BIRC6: variants seen among roughly 807,000 people sequenced by gnomAD.
The protein encoded by BIRC6 is baculoviral IAP repeat containing 6.
Under a neutral mutation model 503.3 loss-of-function variants are expected in BIRC6, and 98 were observed. The ratio of observed to expected loss-of-function variants is 0.19; its 90% CI spans 0.17 to 0.23. The LOEUF (loss-of-function observed/expected upper bound fraction) is 0.23. BIRC6 is among the 10% of genes least tolerant of loss of function. The pLI is 1.00. For synonymous variants in BIRC6, 2,240 were observed against 2,078.7 expected, an observed-to-expected ratio of 1.08 and a Z score of -2.11; for missense variants, 5,360 against 5,806.0, an observed-to-expected ratio of 0.92 and a Z score of 2.50.
At chr2:32,575,858 A>G (rs1458281115) in intron 66 of BIRC6, among the ~76,000 whole-genome samples, 3 of 152,224 alleles carry the variant, frequency 2.0e-5, no homozygotes, top group East Asian at 3.8e-4. Context: ...ATACACTTAG[A>G]AACATTTATT....
Position 32,617,967 on chromosome 2 carries a change from T to C in BIRC6, c.*63T>C, listed in dbSNP as rs975264225. The C allele has an allele frequency of 4.1e-6, 6 of 1,478,448 alleles. No homozygotes were observed. The highest frequency in any genetic ancestry group is 3.5e-4 in the Middle Eastern group (2 of 5,682). 91.6% of individuals were successfully genotyped at this position (1,478,448 alleles called of 1,614,324 possible). ...GAAGCACAAGCCAAATATGTCAATA[T>C]TTGTATGTAAGAAACTAATTATGTA... On this transcript the variant is annotated 3_prime_UTR_variant, in exon 74 of 74. Transcript: ENST00000421745.
At chr2:32,444,959 T>G (rs1312930981) in intron 20 of BIRC6, among the ~76,000 whole-genome samples, 1 of 152,192 alleles carries the variant, frequency 6.6e-6, no homozygotes, top group Non-Finnish European at 1.5e-5. Context: ...ACGCTTAAGT[T>G]TTGGCATGTA....
intron 3 of BIRC6, among the ~76,000 whole-genome samples, chr2:32,386,442 C>CT (rs752857568): frequency 0.067 from 9,852 of 147,786 alleles, 517 homozygotes; most frequent in Non-Finnish European, 0.1. Context: ...AAGTCTCTCT[C>CT]TCTTTTTTTT....
chr2:32,387,959 A>G (rs1418589329), intron 3 of BIRC6, among the ~76,000 whole-genome samples: 1 of 152,234 alleles, frequency 6.6e-6, no homozygotes. Context: ...TATGAGGTAT[A>G]ATGTGATGTT....
At chr2:32,531,683 A>G (rs978252972) in intron 61 of BIRC6, 132 bp downstream of exon 61, 24 of 806,660 alleles carry the variant, frequency 3.0e-5, no homozygotes, top group East Asian at 5.4e-5. Flanking sequence ...TGAACATTAT[A>G]TAACTCTTTC....
chr2:32,435,532 C>G lies in BIRC6; in HGVS notation c.3446C>G (p.Ser1149Cys), dbSNP rs138022319. Residue 1149 changes from serine to cysteine, a missense_variant, in exon 14 of 74, where the codon TCC (serine) becomes TGC (cysteine). By Grantham distance (112) the Ser-to-Cys change is moderately radical. This residue lies in a region of BIRC6 where 2,299 missense variants were observed against 2,267.2 expected (regional missense o/e 1.01). Transcript: ENST00000421745. ...NIEVEQNGKPSLVDLNEEMQH... is the reference protein window; with the variant it reads ...NIEVEQNGKPCLVDLNEEMQH... The stretch of plus-strand genomic sequence containing the variant: ...GAAGTGGAACAAAATGGGAAACCGT[C>G]CCTGGTTGATTTGAATGAAGAAATG... 5.8e-6 allele frequency: 9 copies of G among 1,554,704 alleles called. No homozygotes were observed. The South Asian group carries it at 1.1e-4, about 18-fold the overall frequency.
rs750037105 is a variant in BIRC6 at position 32,529,833 on chromosome 2, A to G, written c.12094+9A>G. On this transcript the variant is annotated intron_variant, in intron 60 of 73. Transcript: ENST00000421745. ...ACTACACCCTGAAAAAGGTATGTGC[A>G]TAATACTACTTTAAAAATTACAGAC... 7.7e-6 allele frequency: 12 copies of G among 1,551,758 alleles called. No homozygotes were observed. Among genetic ancestry groups the G allele is most frequent in the South Asian group, 2.5e-5 (2 of 81,418 alleles).
At chr2:32,541,506 A>G (rs927776809) in intron 61 of BIRC6, among the ~76,000 whole-genome samples, 3 of 152,076 alleles carry the variant, frequency 2.0e-5, no homozygotes, top group Non-Finnish European at 4.4e-5. Context: ...GAGTTACCTC[A>G]CCATTCATTT....
intron 66 of BIRC6, among the ~76,000 whole-genome samples, chr2:32,589,885 G>A (rs994874276): frequency 6.6e-6 from 1 of 152,016 alleles, no homozygotes; most frequent in Non-Finnish European, 1.5e-5. Flanking sequence ...ATTTTTAAAG[G>A]CTTCTTATAA....
chr2:32,539,260 A>C (rs2057471489), intron 61 of BIRC6, among the ~76,000 whole-genome samples: 1 of 152,246 alleles, frequency 6.6e-6, no homozygotes, highest in Non-Finnish European at 1.5e-5. Context: ...ACATTTCAGT[A>C]ATAGATTATA....
chr2:32,434,570 A>G (rs2044480921), intron 13 of BIRC6, among the ~76,000 whole-genome samples: 1 of 152,164 alleles, frequency 6.6e-6, no homozygotes, highest in Non-Finnish European at 1.5e-5. Flanking sequence ...GTATTAGACC[A>G]CATGTGGTGG....
intron 24 of BIRC6, 88 bp from the exon 25 acceptor site, chr2:32,464,421 A>G (rs2048314524): frequency 2.9e-6 from 4 of 1,363,196 alleles, no homozygotes; most frequent in Non-Finnish European, 2.9e-6. Flanking sequence ...AATCATGTTT[A>G]TCTTCATAAT....
chr2:32,543,064 T>A (rs2057795895), intron 61 of BIRC6, among the ~76,000 whole-genome samples, 177 bp from the exon 62 acceptor site: 2 of 152,198 alleles, frequency 1.3e-5, no homozygotes, highest in Non-Finnish European at 2.9e-5. Context: ...CCTCCCAAAG[T>A]GCTGGGATAA....
intron 55 of BIRC6, among the ~76,000 whole-genome samples, chr2:32,516,593 C>A (rs1317112108): frequency 8.8e-4 from 119 of 135,652 alleles, no homozygotes; most frequent in African/African-American, 9.6e-4. Context: ...GACTCCATCT[C>A]AAAAAAAAAA....
chr2:32,446,527 G>C (rs1262467504), intron 21 of BIRC6, among the ~76,000 whole-genome samples: 2 of 152,050 alleles, frequency 1.3e-5, no homozygotes, highest in African/African-American at 4.8e-5. Context: ...TGTACTTGAG[G>C]CTATGTCGTA....
chr2:32,573,746 C>T lies in BIRC6; in HGVS notation c.13145-1410C>T, dbSNP rs2060072293. Among the ~76,000 whole-genome samples, 6 of 152,176 alleles carry T rather than the reference C, an allele frequency of 3.9e-5. No homozygotes were observed. The South Asian group carries it at 1.2e-3, about 32-fold the overall frequency. On this transcript the variant is annotated intron_variant, in intron 65 of 73. Coordinates refer to ENST00000421745, the MANE Select transcript of BIRC6 (RefSeq NM_016252.4). Reference sequence around the variant, plus strand: ...TGGAAGTTAACATAGGCAATATTTTCTTTTTTACTAAAAAGAAAGTTGATT... The same window carrying T: ...TGGAAGTTAACATAGGCAATATTTTTTTTTTTACTAAAAAGAAAGTTGATT...
chr2:32,371,311 A>G (rs2035912383), intron 1 of BIRC6, among the ~76,000 whole-genome samples: 1 of 151,728 alleles, frequency 6.6e-6, no homozygotes, highest in South Asian at 2.1e-4. Context: ...GTAAGTACGT[A>G]TAATTTCATT....
chr2:32,380,445 C>G (rs1348415006), intron 3 of BIRC6, among the ~76,000 whole-genome samples, 155 bp downstream of exon 3: 2 of 152,084 alleles, frequency 1.3e-5, no homozygotes, highest in East Asian at 1.9e-4. Flanking sequence ...AAAGTTGAAA[C>G]TGGCTGGGCA....
chr2:32,441,750 C>T (rs950343304), intron 17 of BIRC6, among the ~76,000 whole-genome samples: 1 of 151,950 alleles, frequency 6.6e-6, no homozygotes, highest in Admixed American at 6.6e-5. Flanking sequence ...CTACTCAAGA[C>T]GTGGGGGTAG....
Sources: gnomAD v4.1 joint callset for allele counts (sites outside exome capture counted in the v4.1 genomes callset) on GRCh38, gnomAD v4.1.1 for gene constraint, gnomAD v4.1.1 regional missense constraint, MANE v1.5 for transcripts, NCBI Gene and HGNC (gene_info 2026-07-23, HGNC 2026-07-21) for gene names.